Variants in IGF2BP1 observed in about 807,000 individuals in gnomAD.
IGF2BP1 encodes the protein insulin like growth factor 2 mRNA binding protein 1, also known as insulin-like growth factor 2 mRNA-binding protein 1.
IGF2BP1 carries 11 observed loss-of-function variants against 74.9 expected under a neutral mutation model. That is an observed-to-expected ratio of 0.15 (90% confidence interval 0.09 to 0.24). The LOEUF (loss-of-function observed/expected upper bound fraction) is 0.24, where lower values mean the gene tolerates loss of function less well. Among genes scored for constraint, IGF2BP1 ranks in the 10% least tolerant of loss-of-function variants. The pLI, the probability that IGF2BP1 is intolerant of heterozygous loss-of-function variation, is 1.00. For synonymous variants in IGF2BP1, 287 were observed against 281.8 expected (o/e 1.02, Z -0.18); for missense variants, 440 against 757.4 (o/e 0.58, Z 4.92).
intron 9 of IGF2BP1, 62 bp downstream of exon 9, chr17:49,042,439 G>A (rs1002528702): frequency 1.4e-4 from 224 of 1,591,846 alleles, no homozygotes; most frequent in Non-Finnish European, 1.8e-4. Flanking sequence ...GCAGCTTGTG[G>A]GGTGCAGGGT....
rs1238446410 is a variant in IGF2BP1, at chr17:49,054,234, C to A, written c.*4790C>A. 1 of 152,484 alleles carries A rather than the reference C, an allele frequency of 6.6e-6. No homozygotes were observed. Among genetic ancestry groups the A allele is most frequent in the Non-Finnish European group, 1.5e-5 (1 of 68,036 alleles). The allele number at this position is 152,484 out of a possible 1,614,324, so 9.4% of individuals were successfully genotyped here. The stretch of plus-strand genomic sequence containing the variant: ...CAGTCTGATGGCGCCTTTGCTGGCG[C>A]CTTAGTATGGTTGACTCCGGATGGA... On this transcript the variant is annotated 3_prime_UTR_variant, in exon 15 of 15. Transcript: ENST00000290341.
rs767892641 is a variant in IGF2BP1 at position 49,044,064 on chromosome 17, G to A, written c.1298G>A (p.Arg433Gln). ...GGGCAGCACATCAAACAGCTCTCCC[G>A]GTTTGCCAGCGCCTCCATCAAGGTG... ...KKGQHIKQLS[R>Q]FASASIKIAP... Residue 433 changes from arginine (R) to glutamine (Q), a missense_variant, in exon 11 of 15, where the codon CGG (arginine) becomes CAG (glutamine). Transcript: ENST00000290341. 4 of 1,614,084 alleles carry A rather than the reference G, an allele frequency of 2.5e-6. No individual in the cohort carries two copies. Among genetic ancestry groups the A allele is most frequent in the Non-Finnish European group, 3.4e-6 (4 of 1,179,998 alleles).
intron 2 of IGF2BP1, among the ~76,000 whole-genome samples, chr17:49,007,979 C>T (rs1300063613): frequency 6.6e-6 from 1 of 152,122 alleles, no homozygotes; most frequent in Admixed American, 6.5e-5. Flanking sequence ...TGAGACCAGC[C>T]TGACCAACAT....
intron 2 of IGF2BP1, among the ~76,000 whole-genome samples, chr17:49,019,926 A>ATATATATT (rs2041761118): frequency 1.6e-5 from 1 of 62,178 alleles, no homozygotes; most frequent in Non-Finnish European, 3.0e-5. Flanking sequence ...ATATATATAT[A>ATATATATT]TATATATATA....
intron 2 of IGF2BP1, chr17:49,004,712 G>A (rs1490746345): frequency 1.3e-5 from 2 of 152,146 alleles, no homozygotes; most frequent in African/African-American, 2.4e-5. Context: ...CAGTTGTCCA[G>A]GGTCTCAGCC....
intron 2 of IGF2BP1, among the ~76,000 whole-genome samples, chr17:49,006,063 C>T (rs187487531): frequency 3.7e-4 from 56 of 152,184 alleles, no homozygotes; most frequent in Middle Eastern, 3.4e-3. Flanking sequence ...GTGTCTCAAA[C>T]AAAAACAAAA....
chr17:49,014,978 A>C (rs2041677266), intron 2 of IGF2BP1: 2 of 977,202 alleles, frequency 2.0e-6, no homozygotes, highest in African/African-American at 3.5e-5. Context: ...GACGCCTTCC[A>C]CTGGGCACCA....
intron 7 of IGF2BP1, 120 bp from the exon 8 acceptor site, chr17:49,041,258 A>T: frequency 9.8e-7 from 1 of 1,022,936 alleles, no homozygotes; most frequent in Non-Finnish European, 1.5e-6. Flanking sequence ...ATGCAGTTTG[A>T]TAAGTTTTGA....
In IGF2BP1 at chr17:49,001,137, T is replaced by G. The variant is rs1194745425; in HGVS notation, c.236+1968T>G. Among the ~76,000 whole-genome samples the G allele has an allele frequency of 6.6e-5, 10 of 152,296 alleles. No homozygotes were observed. In the East Asian group the frequency reaches 1.3e-3, roughly 21 times the overall value. On this transcript the variant is annotated intron_variant, in intron 2 of 14. Transcript: ENST00000290341. The stretch of plus-strand genomic sequence containing the variant: ...GTCTCAAGATTTAAAAAAGAAAGTT[T>G]GTTTTCATTAAGTCAGTTTGCTCTA...
chr17:49,042,477 C>A (rs2042062878), intron 9 of IGF2BP1, 100 bp downstream of exon 9: 4 of 1,305,016 alleles, frequency 3.1e-6, no homozygotes, highest in Non-Finnish European at 4.3e-6. Flanking sequence ...TGCCGTGTGG[C>A]CTTGGAGCTT....
At chr17:49,041,817 T>G (rs1050486475) in intron 8 of IGF2BP1, among the ~76,000 whole-genome samples, 10 of 152,172 alleles carry the variant, frequency 6.6e-5, no homozygotes, top group Admixed American at 6.5e-4. Flanking sequence ...GGCTTTAGGC[T>G]TGTCTGTCAC....
intron 14 of IGF2BP1, among the ~76,000 whole-genome samples, chr17:49,048,135 A>AG (rs2042127309): frequency 1.3e-5 from 2 of 152,196 alleles, no homozygotes; most frequent in Admixed American, 6.5e-5. Context: ...CTTTATTCTT[A>AG]GGGAAGAACC....
chr17:49,024,246 A>T (rs112386418), intron 2 of IGF2BP1, among the ~76,000 whole-genome samples: 1 of 151,890 alleles, frequency 6.6e-6, no homozygotes, highest in South Asian at 2.1e-4. Context: ...TTACATTTTA[A>T]AGATGGGAAG....
intron 4 of IGF2BP1, among the ~76,000 whole-genome samples, chr17:49,029,466 T>C (rs2144071527): frequency 6.6e-6 from 1 of 152,266 alleles, no homozygotes; most frequent in South Asian, 2.1e-4. Context: ...GGATGACAGA[T>C]TCTTTGCACT....
rs747828911 is a variant in IGF2BP1, at chr17:49,038,303, G to A, written c.537G>A (p.Gln179=). The part of the protein sequence containing the change: ...GGFGSRGQPR[Q]GSPVAAGAPA... ...TTGGCTCTCGGGGTCAGCCCCGCCAGGGCTCACCTGTGGCAGCGGGGGCCC... is the reference window on the plus strand; with the variant it reads ...TTGGCTCTCGGGGTCAGCCCCGCCAAGGCTCACCTGTGGCAGCGGGGGCCC... Residue 179 remains glutamine (Q), a synonymous_variant, in exon 6 of 15, where the codon CAG becomes CAA. Coordinates refer to ENST00000290341, the MANE Select transcript of IGF2BP1 (RefSeq NM_006546.4). 6.9e-6 allele frequency: 11 copies of A among 1,605,660 alleles called. No homozygotes were observed. The highest frequency in any genetic ancestry group is 9.4e-6 in the Non-Finnish European group (11 of 1,176,296).
At chr17:49,014,701 A>C (rs1260712888) in intron 2 of IGF2BP1, 2 of 862,044 alleles carry the variant, frequency 2.3e-6, no homozygotes, top group Non-Finnish European at 2.8e-6. Context: ...CCTGAGGGCT[A>C]CTGCGCAGCG....
Position 49,043,494 on chromosome 17 carries a change from G to C in IGF2BP1, c.1144G>C (p.Ala382Pro). Residue 382 changes from alanine (A) to proline (P), a missense_variant, in exon 10 of 15, where the codon GCA (alanine) becomes CCA (proline). This residue lies in a region of IGF2BP1 where 31 missense variants were observed against 27.0 expected (regional missense o/e 1.15). Coordinates refer to ENST00000290341, the MANE Select transcript of IGF2BP1 (RefSeq NM_006546.4). ...AGGTCTTTTCCCAGCTTCATCCAGC[G>C]CAGTCCCGCCGCCTCCCAGCAGCGT... is the stretch of plus-strand genomic sequence containing the variant. ...AVGLFPASSSAVPPPPSSVTG... is the reference protein window; with the variant it reads ...AVGLFPASSSPVPPPPSSVTG... The C allele has an allele frequency of 6.2e-7, 1 of 1,614,070 alleles. No individual in the cohort carries two copies. Among genetic ancestry groups the C allele is most frequent in the Non-Finnish European group, 8.5e-7 (1 of 1,180,006 alleles).
At position 49,054,216 on chromosome 17, in the gene IGF2BP1, ATGGCGCCTTTGC is replaced by A. The variant is rs1420974326; in HGVS notation, c.*4782_*4793del. 2.0e-5 allele frequency: 3 copies of A among 152,554 alleles called. No individual in the cohort carries two copies. The highest frequency in any genetic ancestry group is 7.2e-5 in the African/African-American group (3 of 41,480). The allele number at this position is 152,554 out of a possible 1,614,324, so 9.5% of individuals were successfully genotyped here. ...GTGCACCGCTTTGGGGCACAGTCTGATGGCGCCTTTGCTGGCGCCTTAGTATGGTTGACTCCG... is the reference window on the plus strand; with the variant it reads ...GTGCACCGCTTTGGGGCACAGTCTGATGGCGCCTTAGTATGGTTGACTCCG... On this transcript the variant is annotated 3_prime_UTR_variant, in exon 15 of 15. Transcript: ENST00000290341.
rs2042189196 is a variant in IGF2BP1 at position 49,053,346 on chromosome 17, A to G, written c.*3902A>G. ...CAAAGCAATAGCCAGCTTTCGACACATACCTGGCTGTCTGAGGAGGAAGGC... is the reference window on the plus strand; with the variant it reads ...CAAAGCAATAGCCAGCTTTCGACACGTACCTGGCTGTCTGAGGAGGAAGGC... On this transcript the variant is annotated 3_prime_UTR_variant, in exon 15 of 15. Coordinates refer to ENST00000290341, the MANE Select transcript of IGF2BP1 (RefSeq NM_006546.4). 1 of 152,758 alleles carries G rather than the reference A, an allele frequency of 6.5e-6. No individual in the cohort carries two copies. Among genetic ancestry groups the G allele is most frequent in the Non-Finnish European group, 1.5e-5 (1 of 68,136 alleles). The allele number at this position is 152,758 out of a possible 1,614,324, so 9.5% of individuals were successfully genotyped here. A position where few individuals can be genotyped will look rare whatever the true frequency, so the allele number is the denominator to read the frequency against.
Sources: allele counts gnomAD v4.1 joint callset (sites outside exome capture counted in the v4.1 genomes callset), GRCh38; gene constraint gnomAD v4.1.1; regional missense constraint gnomAD v4.1.1; transcripts MANE v1.5; gene names NCBI Gene and HGNC (gene_info 2026-07-23, HGNC 2026-07-21).